SLC39A4: variants seen among roughly 807,000 people sequenced by gnomAD.
The protein encoded by SLC39A4 is zinc transporter ZIP4.
SLC39A4 carries 49 observed loss-of-function variants against 56.6 expected under a neutral mutation model. The ratio of observed to expected loss-of-function variants is 0.87; its 90% CI spans 0.69 to 1.10. The LOEUF is 1.10. Among genes scored for constraint, SLC39A4 ranks in the 50% least tolerant of loss-of-function variants. The probability of loss-of-function intolerance (pLI) is 0.00; values close to 1 mark genes in which losing one functional copy is unlikely to be tolerated. For synonymous variants in SLC39A4, 540 were observed against 420.4 expected, an observed-to-expected ratio of 1.28 and a Z score of -3.48; for missense variants, 993 against 864.2, an observed-to-expected ratio of 1.15 and a Z score of -1.87.
chr8:144,413,634 C>A, intron 8 of SLC39A4, 67 bp from the exon 9 acceptor site: 1 of 1,546,690 alleles, frequency 6.5e-7, no homozygotes, highest in Non-Finnish European at 8.7e-7. Flanking sequence ...GGGGCGGGGC[C>A]CCAGATCACC....
chr8:144,415,446 G>A (rs781791139), intron 2 of SLC39A4, 27 bp from the exon 3 acceptor site: 91 of 1,574,320 alleles, frequency 5.8e-5, no homozygotes, highest in Non-Finnish European at 7.7e-5. Flanking sequence ...CTCCGCCTCA[G>A]CCTTTGGTGT....
chr8:144,412,569 A>G lies in SLC39A4; in HGVS notation c.1913T>C (p.Leu638Pro), dbSNP rs1821921442. ...GGTGATGTCATCCTCGTACAGGGAC[A>G]GCAGCAGCAGGACGGTCCAGCCGCC... ...LLGGWTVLLL[L>P]SLYEDDITF is the part of the protein sequence containing the mutation. Residue 638 changes from leucine (L) to proline (P), a missense_variant, in exon 12 of 12, where the codon CTG (leucine) becomes CCG (proline). Leu to Pro is a moderately conservative substitution (Grantham distance 98). Transcript: ENST00000301305. 6.2e-7 allele frequency: 1 copy of G among 1,614,056 alleles called. No homozygotes were observed. Among genetic ancestry groups the G allele is most frequent in the Non-Finnish European group, 8.5e-7 (1 of 1,180,020 alleles).
At position 144,413,952 on chromosome 8, in the gene SLC39A4, C is replaced by G. The variant is rs782005884; in HGVS notation, c.1287+6G>C. The G allele has an allele frequency of 1.2e-6, 2 of 1,610,806 alleles. No homozygotes were observed. Among genetic ancestry groups the G allele is most frequent in the African/African-American group, 2.7e-5 (2 of 75,008 alleles). On this transcript the variant is annotated splice_donor_region_variant and intron_variant, in intron 7 of 11. Coordinates refer to ENST00000301305, the MANE Select transcript of SLC39A4 (RefSeq NM_130849.4). ...ACCCGCCGGGTACCTTCCCAAGAAG[C>G]CTGACCTCCGGGTCCCTGGGCAGCA...
At position 144,415,130 on chromosome 8, in the gene SLC39A4, G is replaced by A. The variant is rs1554873468; in HGVS notation, c.668-20C>T. The A allele has an allele frequency of 6.2e-7, 1 of 1,612,464 alleles. No homozygotes were observed. Among genetic ancestry groups the A allele is most frequent in the Admixed American group, 1.7e-5 (1 of 60,010 alleles). On this transcript the variant is annotated intron_variant, in intron 3 of 11. Coordinates refer to ENST00000301305, the MANE Select transcript of SLC39A4 (RefSeq NM_130849.4). ...ACAGCTCTGGCAGGGAGAAGAGTTGGCACCGCGAGTCTGTGTGGGCTCCGG... is the reference window on the plus strand; with the variant it reads ...ACAGCTCTGGCAGGGAGAAGAGTTGACACCGCGAGTCTGTGTGGGCTCCGG...
chr8:144,414,476 C>A (rs781804448), intron 5 of SLC39A4, 42 bp from the exon 6 acceptor site: 2 of 1,548,700 alleles, frequency 1.3e-6, no homozygotes, highest in Non-Finnish European at 1.7e-6. Flanking sequence ...TTCTTCCAGA[C>A]TCAGCCCCTG....
chr8:144,416,082 C>A lies in SLC39A4; in HGVS notation c.202G>T (p.Val68Leu), dbSNP rs190698611. 263 of 1,598,588 alleles carry A rather than the reference C, an allele frequency of 1.6e-4. 1 individual carries two copies. The African/African-American group carries it at 2.9e-3, about 18-fold the overall frequency. ...ANGPCGKCLS[V>L]EDALGLGEPE... ...TCGCCCAGGCCCAGGGCGTCCTCCA[C>A]AGACAGGCACTGTGGGCAGAGACAA... Residue 68 changes from valine to leucine, a missense_variant, in exon 2 of 12, where the codon GTG (valine) becomes TTG (leucine). Transcript: ENST00000301305.
chr8:144,414,124 G>A, intron 6 of SLC39A4, 29 bp from the exon 7 acceptor site: 2 of 1,554,688 alleles, frequency 1.3e-6, no homozygotes, highest in African/African-American at 2.7e-5. Context: ...GGGCTGGGGG[G>A]GAGGTCCCAG....
In SLC39A4 at chr8:144,412,445, G is replaced by C. The variant is rs569619977; in HGVS notation, c.*93C>G. 1.9e-6 allele frequency: 3 copies of C among 1,599,958 alleles called. No individual in the cohort carries two copies. The highest frequency in any genetic ancestry group is 2.6e-6 in the Non-Finnish European group (3 of 1,168,748). The stretch of plus-strand genomic sequence containing the variant: ...GACAAGAGTGTCTTTACTGGAGTTG[G>C]GACTGGGGCCTCTATAGGGGCTTCT... On this transcript the variant is annotated 3_prime_UTR_variant, in exon 12 of 12. Coordinates refer to ENST00000301305, the MANE Select transcript of SLC39A4 (RefSeq NM_130849.4).
Position 144,416,028 on chromosome 8 carries a change from G to C in SLC39A4, c.256C>G (p.Pro86Ala). 1 of 1,579,776 alleles carries C rather than the reference G, an allele frequency of 6.3e-7. No homozygotes were observed. The highest frequency in any genetic ancestry group is 8.6e-7 in the Non-Finnish European group (1 of 1,164,560). ...EPEGSGLPPG[P>A]VLEARYVARL... ...GCGACGTACCTGGCCTCCAGGACCG[G>C]GCCCGGGGGCAGCCCTGACCCCTCA... Residue 86 changes from proline (P) to alanine (A), a missense_variant, in exon 2 of 12, where the codon CCG (proline) becomes GCG (alanine). Pro to Ala is a conservative substitution (Grantham distance 27). Coordinates refer to ENST00000301305, the MANE Select transcript of SLC39A4 (RefSeq NM_130849.4).
At chr8:144,414,203 G>A (rs1275087968) in intron 6 of SLC39A4, 59 bp downstream of exon 6, 3 of 1,590,090 alleles carry the variant, frequency 1.9e-6, no homozygotes, top group Admixed American at 3.7e-5. Context: ...GGGAGGGCAC[G>A]GCCTGGGAGT....
chr8:144,414,180 G>GGACCTCCCA, intron 6 of SLC39A4, 82 bp downstream of exon 6: 2 of 1,573,238 alleles, frequency 1.3e-6, no homozygotes, highest in Middle Eastern at 1.9e-4. Context: ...GAGGTGGGGT[G>GGACCTCCCA]GGTAAGGTCC....
In SLC39A4 at chr8:144,415,968, T is replaced by C. The variant is rs1352722595; in HGVS notation, c.316A>G (p.Asn106Asp). The change falls in exon 2 of 12, where the codon AAC (asparagine) becomes GAC (aspartate). Residue 106 changes from asparagine (N) to aspartate (D), a missense_variant. Physicochemically the swap from Asn to Asp is conservative, Grantham distance 23 (BLOSUM62 1). Coordinates refer to ENST00000301305, the MANE Select transcript of SLC39A4 (RefSeq NM_130849.4). Reference sequence around the variant, plus strand: ...GCGTCCTCACAGGTGCCCTCGGGGTTGCTGAGGTACAGGACGGCGGCGGCA... The same window carrying C: ...GCGTCCTCACAGGTGCCCTCGGGGTCGCTGAGGTACAGGACGGCGGCGGCA... ...LSAAAVLYLS[N>D]PEGTCEDARA... 7 of 1,595,422 alleles carry C rather than the reference T, an allele frequency of 4.4e-6. No individual in the cohort carries two copies. The highest frequency in any genetic ancestry group is 6.0e-6 in the Non-Finnish European group (7 of 1,173,314).
At chr8:144,416,546 G>C in intron 1 of SLC39A4, 52 bp downstream of exon 1, 1 of 1,538,404 alleles carries the variant, frequency 6.5e-7, no homozygotes, top group East Asian at 2.4e-5. Flanking sequence ...TGGCAGGGCG[G>C]AGCTGGCGGG....
chr8:144,415,829 G>A lies in SLC39A4; in HGVS notation c.455C>T (p.Ala152Val). ...WLLQRMQARA[A>V]GQTPKMACVD... ...CCTCACCATCTTGGGGGTCTGGCCG[G>A]CAGCCCGGGCCTGCATCCTCTGCAG... Residue 152 changes from alanine (A) to valine (V), a missense_variant, in exon 2 of 12, where the codon GCC becomes GTC. Coordinates refer to ENST00000301305, the MANE Select transcript of SLC39A4 (RefSeq NM_130849.4). 1 of 1,594,034 alleles carries A rather than the reference G, an allele frequency of 6.3e-7. No homozygotes were observed. Among genetic ancestry groups the A allele is most frequent in the South Asian group, 1.1e-5 (1 of 90,140 alleles).
rs1403764329 is a variant in SLC39A4 at position 144,413,751 on chromosome 8, A to AG, written c.1417dup (p.Leu473ProfsTer13). On this transcript the variant is annotated frameshift_variant and splice_region_variant, in exon 8 of 12. Coordinates refer to ENST00000301305, the MANE Select transcript of SLC39A4 (RefSeq NM_130849.4). LOFTEE classifies it high-confidence loss of function. ...ATGGGGCATCTGGCGCCCACTCACC[A>AG]GGTCTGCGCGGGAGCCCTCGTGGGG... The AG allele has an allele frequency of 1.3e-6, 2 of 1,537,408 alleles. No individual in the cohort carries two copies. Among genetic ancestry groups the AG allele is most frequent in the African/African-American group, 2.7e-5 (2 of 73,124 alleles).
In SLC39A4 at chr8:144,414,961, G is replaced by A; in HGVS notation, c.804+13C>T. 6.2e-7 allele frequency: 1 copy of A among 1,612,910 alleles called. No individual in the cohort carries two copies. Among genetic ancestry groups the A allele is most frequent in the East Asian group, 2.2e-5 (1 of 44,890 alleles). On this transcript the variant is annotated intron_variant, in intron 4 of 11. Coordinates refer to ENST00000301305, the MANE Select transcript of SLC39A4 (RefSeq NM_130849.4). ...CCCGGTGAGGCCCCATCTTACCCCA[G>A]GGCGCAGCTCACCGTGTCCCACACA...
intron 3 of SLC39A4, 30 bp downstream of exon 3, chr8:144,415,197 C>A (rs1213824408): frequency 1.2e-6 from 2 of 1,612,374 alleles, no homozygotes; most frequent in South Asian, 2.2e-5. Context: ...CTCGGGGGTG[C>A]CCCCCTCCAC....
At chr8:144,416,344 G>C in intron 1 of SLC39A4, 1 of 1,466,616 alleles carries the variant, frequency 6.8e-7, no homozygotes, top group Non-Finnish European at 9.0e-7. Flanking sequence ...CTGCCAATTT[G>C]ATGGCAGAGG....
Position 144,413,347 on chromosome 8 carries a change from A to G in SLC39A4, c.1517T>C (p.Val506Ala). Residue 506 changes from valine (V) to alanine (A), a missense_variant, in exon 10 of 12, where the codon GTG (valine) becomes GCG (alanine). Transcript: ENST00000301305. Reference sequence around the variant, plus strand: ...GGCCAGCCCGTCGGCGAAGTTGTGCACGGCGTCGCCCAGAGTGATCATATA... The same window carrying G: ...GGCCAGCCCGTCGGCGAAGTTGTGCGCGGCGTCGCCCAGAGTGATCATATA... ...LPYMITLGDAVHNFADGLAVG... is the reference protein window; with the variant it reads ...LPYMITLGDAAHNFADGLAVG... 6.2e-7 allele frequency: 1 copy of G among 1,607,120 alleles called. No homozygotes were observed. The highest frequency in any genetic ancestry group is 8.5e-7 in the Non-Finnish European group (1 of 1,179,394).
Sources: gnomAD v4.1 joint callset for allele counts on GRCh38, gnomAD v4.1.1 for gene constraint, MANE v1.5 for transcripts, NCBI Gene and HGNC (gene_info 2026-07-23, HGNC 2026-07-21) for gene names.